UTP4: variants seen among roughly 807,000 people sequenced by gnomAD.
UTP4 encodes U3 small nucleolar RNA-associated protein 4 homolog.
In UTP4, 45 loss-of-function variants were observed where a neutral mutation model predicts 82.4. That is an observed-to-expected ratio of 0.55 (90% CI 0.43 to 0.70). The LOEUF (loss-of-function observed/expected upper bound fraction) is 0.70. UTP4 is among the 30% of genes least tolerant of loss of function. The pLI is 0.00. For missense variants in UTP4, 819 were observed against 858.3 expected (o/e 0.95, Z 0.57); for synonymous variants, 348 against 300.3 (o/e 1.16, Z -1.64).
intron 5 of UTP4, 94 bp downstream of exon 5, chr16:69,140,008 A>G (rs1555535801): frequency 2.3e-6 from 2 of 880,606 alleles, no homozygotes; most frequent in Non-Finnish European, 3.9e-6. Context: ...TGGTTTCATG[A>G]CCTTTATGGC....
intron 6 of UTP4, among the ~76,000 whole-genome samples, chr16:69,144,433 C>A (rs1403109665): frequency 6.6e-6 from 1 of 152,152 alleles, no homozygotes; most frequent in East Asian, 1.9e-4. Flanking sequence ...AGTGATCTGC[C>A]TGCCTCGGCC....
chr16:69,164,596 A>ATATATATATATATATATATATATG (rs1963651753), intron 14 of UTP4, among the ~76,000 whole-genome samples: 1 of 130,082 alleles, frequency 7.7e-6, no homozygotes, highest in African/African-American at 2.7e-5. Flanking sequence ...TTATATATAT[A>ATATATATATATATATATATATATG]TATATATATA....
At position 69,143,228 on chromosome 16, in the gene UTP4, A is replaced by G. The variant is rs1376712267; in HGVS notation, c.577A>G (p.Lys193Glu). 19 of 1,614,118 alleles carry G rather than the reference A, an allele frequency of 1.2e-5. No homozygotes were observed. The highest frequency in any genetic ancestry group is 1.6e-5 in the Non-Finnish European group (19 of 1,180,046). Residue 193 changes from lysine to glutamate, a missense_variant, in exon 6 of 17, where the codon AAG becomes GAG. By Grantham distance (56) the Lys-to-Glu change is moderately conservative (BLOSUM62 1). Coordinates refer to ENST00000314423, the MANE Select transcript of UTP4 (RefSeq NM_032830.3). ...IVDRQYMGVS[K>E]RKCIVWGVAF... ...GGACAGGCAGTATATGGGCGTGTCT[A>G]AGCGGAAGTGCATCGTGTGGGGTGT...
intron 4 of UTP4, among the ~76,000 whole-genome samples, chr16:69,138,653 A>C (rs1043334922): frequency 6.6e-6 from 1 of 152,220 alleles, no homozygotes; most frequent in African/African-American, 2.4e-5. Context: ...CCTTTAGAAC[A>C]GGGGTTGGCA....
intron 6 of UTP4, among the ~76,000 whole-genome samples, chr16:69,144,738 C>T (rs1963060879): frequency 6.6e-6 from 1 of 152,154 alleles, no homozygotes; most frequent in Non-Finnish European, 1.5e-5. Context: ...CCCTGAAAAA[C>T]ATAGATGTCA....
At chr16:69,145,707 C>T (rs1359521747) in intron 6 of UTP4, among the ~76,000 whole-genome samples, 1 of 151,964 alleles carries the variant, frequency 6.6e-6, no homozygotes, top group Non-Finnish European at 1.5e-5. Flanking sequence ...GGAGAGGCTC[C>T]TCAGGGCCAC....
At chr16:69,150,096 G>T (rs1000944776) in intron 6 of UTP4, among the ~76,000 whole-genome samples, 1 of 152,068 alleles carries the variant, frequency 6.6e-6, no homozygotes, top group African/African-American at 2.4e-5. Context: ...CCAAATAAAG[G>T]ATTTTCAGTA....
intron 2 of UTP4, among the ~76,000 whole-genome samples, chr16:69,135,097 G>A (rs1195159591): frequency 6.8e-6 from 1 of 147,968 alleles, no homozygotes; most frequent in African/African-American, 2.5e-5. Context: ...TATATAATTT[G>A]TGTGTTTGTT....
chr16:69,152,543 C>T (rs1209085411), intron 8 of UTP4, among the ~76,000 whole-genome samples: 4 of 147,574 alleles, frequency 2.7e-5, no homozygotes, highest in African/African-American at 5.0e-5. Flanking sequence ...AATCTCGGCT[C>T]ACTGCAACCT....
At chr16:69,161,655 A>G (rs887924854) in intron 13 of UTP4, among the ~76,000 whole-genome samples, 2 of 152,210 alleles carry the variant, frequency 1.3e-5, no homozygotes, top group African/African-American at 4.8e-5. Context: ...TTAGTTTTGT[A>G]CGCGGTTAAA....
At position 69,143,176 on chromosome 16, in the gene UTP4, A is replaced by G. The variant is rs1207165179; in HGVS notation, c.527-2A>G. 1 of 1,613,948 alleles carries G rather than the reference A, an allele frequency of 6.2e-7. No homozygotes were observed. On this transcript the variant is annotated splice_acceptor_variant, in intron 5 of 16. Coordinates refer to ENST00000314423, the MANE Select transcript of UTP4 (RefSeq NM_032830.3). LOFTEE classifies it high-confidence loss of function. The stretch of plus-strand genomic sequence containing the variant: ...TGAAGGTGTGCTTTTCTGATTTTTC[A>G]GGCAGCGCTGTTCATAAGATGATTG...
chr16:69,140,696 T>C (rs576005450), intron 5 of UTP4, among the ~76,000 whole-genome samples: 15 of 152,078 alleles, frequency 9.9e-5, no homozygotes, highest in African/African-American at 3.4e-4. Context: ...TCCCTTAAGC[T>C]TATTACAAAA....
chr16:69,158,161 CTTTTTTTTTTTTTTT>C lies in UTP4; in HGVS notation c.1444+937_1444+951del, dbSNP rs34392768. ...CTCCCATCAGCCTGGAAAGTCAACTCTTTTTTTTTTTTTTTTTTTTTTTTTTTTTTGAGATGGCCT... is the reference window on the plus strand; with the variant it reads ...CTCCCATCAGCCTGGAAAGTCAACTCTTTTTTTTTTTTTTTGAGATGGCCT... On this transcript the variant is annotated intron_variant, in intron 12 of 16. Coordinates refer to ENST00000314423, the MANE Select transcript of UTP4 (RefSeq NM_032830.3). 3.1e-3 allele frequency among the ~76,000 whole-genome samples: 127 copies of C among 40,456 alleles called. 2 individuals are homozygous for C. Among genetic ancestry groups the C allele is most frequent in the Middle Eastern group, 0.02 (1 of 50 alleles). 26.5% of individuals were successfully genotyped at this position (40,456 alleles called of 152,430 possible).
intron 12 of UTP4, among the ~76,000 whole-genome samples, chr16:69,158,035 C>T (rs1963465849): frequency 6.6e-6 from 1 of 151,554 alleles, no homozygotes; most frequent in African/African-American, 2.4e-5. Flanking sequence ...AGGACTTGGA[C>T]TCAGTTTCCA....
chr16:69,168,804 T>C lies in UTP4; in HGVS notation c.1945-17T>C, dbSNP rs765993421. 34 of 1,497,860 alleles carry C rather than the reference T, an allele frequency of 2.3e-5. No individual in the cohort carries two copies. The highest frequency in any genetic ancestry group is 3.1e-5 in the Non-Finnish European group (33 of 1,073,866). The allele number at this position is 1,497,860 out of a possible 1,614,324, so 92.8% of individuals were successfully genotyped here. A position where few individuals can be genotyped will look rare whatever the true frequency, so the allele number is the denominator to read the frequency against. On this transcript the variant is annotated splice_polypyrimidine_tract_variant and intron_variant, in intron 16 of 16. Coordinates refer to ENST00000314423, the MANE Select transcript of UTP4 (RefSeq NM_032830.3). ...TGGATCCTAAGTCCTGATAGAATAA[T>C]TATCATCCCTCTGCAGCCTCTACTC...
At chr16:69,167,855 A>T (rs1110549) in intron 16 of UTP4, 3,506 of 151,994 alleles carry the variant, frequency 0.023, 63 homozygotes, top group South Asian at 0.067. Context: ...AAAAAAAAAA[A>T]ATATAAAAAT....
At chr16:69,161,087 G>A (rs778710960) in intron 13 of UTP4, among the ~76,000 whole-genome samples, 4 of 152,132 alleles carry the variant, frequency 2.6e-5, no homozygotes, top group African/African-American at 4.8e-5. Context: ...GTATTTTCGG[G>A]AGGAAAATTC....
Position 69,148,943 on chromosome 16 carries a change from T to TTTTTG in UTP4, c.739-1579_739-1575dup, listed in dbSNP as rs527891357. The stretch of plus-strand genomic sequence containing the variant: ...GGTTTTTTGTGTTGTGAGTTGTGTT[T>TTTTTG]TTTTGTTTTGTTTTGTTTTTTCTTG... On this transcript the variant is annotated intron_variant, in intron 6 of 16. Transcript: ENST00000314423. 3.7e-4 allele frequency among the ~76,000 whole-genome samples: 56 copies of TTTTTG among 152,262 alleles called. No homozygotes were observed. In the East Asian group the frequency reaches 7.5e-3, roughly 20 times the overall value.
intron 2 of UTP4, among the ~76,000 whole-genome samples, chr16:69,135,602 G>A (rs895970820): frequency 6.6e-6 from 1 of 152,132 alleles, no homozygotes; most frequent in Admixed American, 6.5e-5. Flanking sequence ...CATAGTTCCA[G>A]CTACTTGGAG....
Sources: allele counts gnomAD v4.1 joint callset (sites outside exome capture counted in the v4.1 genomes callset), GRCh38; gene constraint gnomAD v4.1.1; transcripts MANE v1.5; gene names NCBI Gene and HGNC (gene_info 2026-07-23, HGNC 2026-07-21).